MIA2: variants seen among roughly 807,000 people sequenced by gnomAD.
The protein encoded by MIA2 is melanoma inhibitory activity protein 2.
Under a neutral mutation model 167.8 loss-of-function variants are expected in MIA2, and 127 were observed. That is an observed-to-expected ratio of 0.76 (90% CI 0.66 to 0.88). The LOEUF (loss-of-function observed/expected upper bound fraction) is 0.88, where lower values mean the gene tolerates loss of function less well. Among genes scored for constraint, MIA2 ranks in the 40% least tolerant of loss-of-function variants. The pLI is 0.00. For synonymous variants in MIA2, 552 were observed against 541.9 expected (o/e 1.02, Z -0.26); for missense variants, 1,690 against 1,624.7 (o/e 1.04, Z -0.69).
intron 6 of MIA2, chr14:39,266,230 A>G: frequency 1.0e-6 from 1 of 985,432 alleles, no homozygotes; most frequent in Non-Finnish European, 1.2e-6. Flanking sequence ...GGCAGAATAT[A>G]ATGAGAATGA....
intron 23 of MIA2, among the ~76,000 whole-genome samples, chr14:39,356,410 C>T (rs1250907254): frequency 7.4e-6 from 1 of 134,920 alleles, no homozygotes; most frequent in Non-Finnish European, 1.6e-5. Context: ...TCCCCTTTAT[C>T]ATTTTTTATT....
chr14:39,315,754 A>T, intron 21 of MIA2, 36 bp downstream of exon 21: 1 of 1,405,726 alleles, frequency 7.1e-7, no homozygotes, highest in Non-Finnish European at 9.8e-7. Context: ...CTTTTGTCAA[A>T]TTGTATGTTT....
intron 6 of MIA2, chr14:39,267,078 A>C (rs1234194632): frequency 9.3e-7 from 1 of 1,080,704 alleles, no homozygotes; most frequent in East Asian, 8.2e-5. Context: ...CGACCCGGAC[A>C]CGTCTGCGAA....
At chr14:39,263,525 A>G (rs1042419850) in intron 6 of MIA2, among the ~76,000 whole-genome samples, 1 of 151,256 alleles carries the variant, frequency 6.6e-6, no homozygotes, top group South Asian at 2.1e-4. Context: ...TTGAGCCATC[A>G]TGCCCAGCAT....
intron 23 of MIA2, among the ~76,000 whole-genome samples, chr14:39,368,324 T>G (rs2074865047): frequency 6.6e-6 from 1 of 152,198 alleles, no homozygotes; most frequent in African/African-American, 2.4e-5. Context: ...TGAGAAAGTC[T>G]CAGGCAGGGC....
intron 17 of MIA2, 132 bp from the exon 18 acceptor site, chr14:39,308,317 T>C (rs1003192588): frequency 2.4e-5 from 14 of 574,708 alleles, no homozygotes; most frequent in Middle Eastern, 1.1e-3. Flanking sequence ...GAATCCCTTA[T>C]AGATTTTCTG....
intron 28 of MIA2, 70 bp from the exon 29 acceptor site, chr14:39,350,026 CTT>C: frequency 1.7e-6 from 1 of 583,112 alleles, no homozygotes; most frequent in South Asian, 2.7e-5. Flanking sequence ...AAGTTATAAA[CTT>C]AATGATTTAT....
chr14:39,341,706 A>C (rs566302239), intron 25 of MIA2, among the ~76,000 whole-genome samples: 1 of 152,256 alleles, frequency 6.6e-6, no homozygotes, highest in Middle Eastern at 3.4e-3. Flanking sequence ...AGAGTGGAAG[A>C]ACTCAAACAT....
At chr14:39,385,088 C>T (rs1457400690) in intron 23 of MIA2, among the ~76,000 whole-genome samples, 1 of 152,120 alleles carries the variant, frequency 6.6e-6, no homozygotes. Flanking sequence ...TTATAAACTC[C>T]TACTGACGAC....
chr14:39,285,104 G>T lies in MIA2; in HGVS notation c.2130+5567G>T, dbSNP rs867286194. Among the ~76,000 whole-genome samples the T allele has an allele frequency of 4.8e-4, 73 of 152,322 alleles. No individual in the cohort carries two copies. In the Middle Eastern group the frequency reaches 0.017, roughly 35 times the overall value. On this transcript the variant is annotated intron_variant, in intron 9 of 28. Transcript: ENST00000640607. ...AGATCAACAGCATCCCAAGGCAGAA[G>T]AATTTTTCTTAGTACAGAACAAAAT...
chr14:39,355,266 T>C (rs568048132), downstream of MIA2, among the ~76,000 whole-genome samples: 35 of 152,312 alleles, frequency 2.3e-4, no homozygotes, highest in African/African-American at 7.9e-4. Context: ...TTGAACAGGT[T>C]CTTCACATCC....
chr14:39,267,482 C>A, intron 6 of MIA2: 1 of 1,613,364 alleles, frequency 6.2e-7, no homozygotes. Flanking sequence ...GGGGTTACCC[C>A]TCAACCGTAT....
intron 25 of MIA2, among the ~76,000 whole-genome samples, chr14:39,334,590 G>A (rs1322629550): frequency 1.3e-5 from 2 of 150,512 alleles, no homozygotes; most frequent in Non-Finnish European, 3.0e-5. Flanking sequence ...TTTTGAAGTG[G>A]AGTTTCACCT....
At chr14:39,242,307 T>A (rs1302707204) in intron 3 of MIA2, among the ~76,000 whole-genome samples, 1 of 150,078 alleles carries the variant, frequency 6.7e-6, no homozygotes, top group East Asian at 2.0e-4. Flanking sequence ...GTTTATTTCC[T>A]TCATAGTACT....
chr14:39,374,922 T>A (rs562595254), intron 23 of MIA2, among the ~76,000 whole-genome samples: 1 of 152,364 alleles, frequency 6.6e-6, no homozygotes, highest in Admixed American at 6.5e-5. Context: ...GCAACTCTTT[T>A]AAATTGGGTT....
At chr14:39,298,537 T>TG (rs148951664) in intron 13 of MIA2, among the ~76,000 whole-genome samples, 83,933 of 99,184 alleles carry the variant, frequency 0.85, 36,970 homozygotes, top group African/African-American at 0.87. Flanking sequence ...AGAGTTTTTT[T>TG]TTTTTTTTTT....
At chr14:39,288,535 T>G (rs1363022540) in intron 9 of MIA2, among the ~76,000 whole-genome samples, 1 of 141,668 alleles carries the variant, frequency 7.1e-6, no homozygotes, top group African/African-American at 2.7e-5. Context: ...AGTGGAATGG[T>G]GTGATCTCAG....
rs150051066 is a variant in MIA2, at chr14:39,301,299, A to G, written c.2620-830A>G. Among the ~76,000 whole-genome samples the G allele has an allele frequency of 6.7e-4, 102 of 152,302 alleles. 1 individual carries two copies. The highest frequency in any genetic ancestry group is 2.4e-3 in the African/African-American group (98 of 41,572). ...GGCTAGTCTTGGAACTCCTGACCTCAGGTGATCCGCCCACCTTAGCCTCCC... is the reference window on the plus strand; with the variant it reads ...GGCTAGTCTTGGAACTCCTGACCTCGGGTGATCCGCCCACCTTAGCCTCCC... On this transcript the variant is annotated intron_variant, in intron 14 of 28. Transcript: ENST00000640607.
chr14:39,279,163 A>AG (rs2058573044), intron 7 of MIA2, among the ~76,000 whole-genome samples, 174 bp from the exon 8 acceptor site: 1 of 151,210 alleles, frequency 6.6e-6, no homozygotes, highest in African/African-American at 2.4e-5. Context: ...TCTGTCTCAA[A>AG]AAAAAAAAAA....
Sources: gnomAD v4.1 joint callset for allele counts (sites outside exome capture counted in the v4.1 genomes callset) on GRCh38, gnomAD v4.1.1 for gene constraint, MANE v1.5 for transcripts, NCBI Gene and HGNC (gene_info 2026-07-23, HGNC 2026-07-21) for gene names.